PLPPR1: variants seen among roughly 807,000 people sequenced by gnomAD.
The protein encoded by PLPPR1 is phospholipid phosphatase related 1, also known as phospholipid phosphatase-related protein type 1.
In PLPPR1, 10 loss-of-function variants were observed where a neutral mutation model predicts 33.1. That is an observed-to-expected ratio of 0.30 (90% confidence interval 0.19 to 0.51). PLPPR1 has a LOEUF of 0.51. Among genes scored for constraint, PLPPR1 ranks in the 20% least tolerant of loss-of-function variants. The pLI is 0.97. For missense variants in PLPPR1, 304 were observed against 408.1 expected (o/e 0.74, Z 2.20); for synonymous variants, 151 against 151.0 (o/e 1.00, Z 0.00).
intron 2 of PLPPR1, among the ~76,000 whole-genome samples, chr9:101,210,987 T>TCGTTTCC (rs1035978296): frequency 1.3e-5 from 2 of 152,132 alleles, no homozygotes; most frequent in Non-Finnish European, 2.9e-5. Flanking sequence ...CAGGATGGTC[T>TCGTTTCC]CGATCTCCTG....
rs1828981592 is a variant in PLPPR1 at position 101,312,807 on chromosome 9, A to G, written c.646A>G (p.Thr216Ala). ...YSALYATMYI[T>A]STIKTKSSRL... ...CTCTGTCCTATTCCAGATGTATATTACAAGCACAATCAAGACGAAGAGCAG... is the reference window on the plus strand; with the variant it reads ...CTCTGTCCTATTCCAGATGTATATTGCAAGCACAATCAAGACGAAGAGCAG... The change falls in exon 6 of 8, where the codon ACA becomes GCA. Residue 216 changes from threonine (T) to alanine (A), a missense_variant. By Grantham distance (58) the Thr-to-Ala change is moderately conservative (BLOSUM62 0). Transcript: ENST00000374874. 6 of 1,613,900 alleles carry G rather than the reference A, an allele frequency of 3.7e-6. No individual in the cohort carries two copies. Among genetic ancestry groups the G allele is most frequent in the Non-Finnish European group, 5.1e-6 (6 of 1,179,998 alleles).
chr9:101,307,251 A>G (rs1173203787), intron 4 of PLPPR1, among the ~76,000 whole-genome samples: 2 of 152,204 alleles, frequency 1.3e-5, no homozygotes, highest in Non-Finnish European at 2.9e-5. Context: ...GCACTGACCC[A>G]AGGAACCTAG....
At chr9:101,109,692 A>C (rs1290715968) in intron 1 of PLPPR1, among the ~76,000 whole-genome samples, 4 of 152,230 alleles carry the variant, frequency 2.6e-5, no homozygotes, top group African/African-American at 7.2e-5. Flanking sequence ...GCAAGATCTT[A>C]TAATTTAGTA....
chr9:101,043,948 C>T (rs1830113865), intron 1 of PLPPR1, among the ~76,000 whole-genome samples: 1 of 152,042 alleles, frequency 6.6e-6, no homozygotes, highest in Non-Finnish European at 1.5e-5. Flanking sequence ...TAGACATTGG[C>T]TTAGGCAAAG....
At chr9:101,283,424 T>C (rs907591253) in intron 3 of PLPPR1, among the ~76,000 whole-genome samples, 2 of 152,214 alleles carry the variant, frequency 1.3e-5, no homozygotes, top group South Asian at 2.1e-4. Flanking sequence ...GGTCAGTCCA[T>C]TAATAAATTG....
intron 4 of PLPPR1, among the ~76,000 whole-genome samples, chr9:101,297,919 T>G (rs1214243522): frequency 2.0e-5 from 3 of 152,168 alleles, no homozygotes; most frequent in Admixed American, 6.6e-5. Context: ...AATGACTAAG[T>G]AAGGAAGTTA....
At chr9:101,251,222 T>C (rs879641346) in intron 2 of PLPPR1, among the ~76,000 whole-genome samples, 1 of 152,128 alleles carries the variant, frequency 6.6e-6, no homozygotes, top group Non-Finnish European at 1.5e-5. Flanking sequence ...GCACTGTTGT[T>C]TCTCTACTGC....
At chr9:101,277,884 C>T (rs1357743910) in intron 3 of PLPPR1, among the ~76,000 whole-genome samples, 2 of 152,110 alleles carry the variant, frequency 1.3e-5, no homozygotes, top group African/African-American at 4.8e-5. Context: ...ACTTTTTAAT[C>T]CTCTCAACAA....
intron 1 of PLPPR1, among the ~76,000 whole-genome samples, chr9:101,059,010 G>A (rs1211126093): frequency 6.6e-6 from 1 of 152,136 alleles, no homozygotes; most frequent in African/African-American, 2.4e-5. Flanking sequence ...TTACTATTCT[G>A]GTGGGGGGAG....
rs567037532 is a variant in PLPPR1 at position 101,133,038 on chromosome 9, G to A, written c.-45-52412G>A. ...ACTGAATTAGTGTTTAGCTGTGATA[G>A]AAATCCCTTGGGAATCAAGTTCCAA... On this transcript the variant is annotated intron_variant, in intron 1 of 7. Coordinates refer to ENST00000374874, the MANE Select transcript of PLPPR1 (RefSeq NM_207299.2). Among the ~76,000 whole-genome samples, 5 of 152,280 alleles carry A rather than the reference G, an allele frequency of 3.3e-5. No homozygotes were observed. The East Asian group carries it at 9.6e-4, about 29-fold the overall frequency.
chr9:101,066,921 C>T (rs912908890), intron 1 of PLPPR1, among the ~76,000 whole-genome samples: 5 of 151,996 alleles, frequency 3.3e-5, no homozygotes, highest in Non-Finnish European at 7.4e-5. Context: ...AAACACTTAC[C>T]TACCATTTAT....
At chr9:101,322,402 T>C (rs1190233416) in intron 7 of PLPPR1, 1 of 152,026 alleles carries the variant, frequency 6.6e-6, no homozygotes, top group African/African-American at 2.4e-5. Context: ...GTTGTTTTAA[T>C]TGAATGCTTC....
intron 2 of PLPPR1, among the ~76,000 whole-genome samples, chr9:101,266,811 TGAG>T (rs759165487): frequency 6.6e-6 from 1 of 152,230 alleles, no homozygotes; most frequent in African/African-American, 2.4e-5. Context: ...GTGTTTGTCT[TGAG>T]TTCTTTTCCT....
At chr9:101,191,868 A>G (rs981412638) in intron 2 of PLPPR1, among the ~76,000 whole-genome samples, 4 of 152,164 alleles carry the variant, frequency 2.6e-5, no homozygotes, top group African/African-American at 7.2e-5. Flanking sequence ...AATTGGACAG[A>G]ATGAATGAAG....
At chr9:101,118,368 T>G (rs1370278967) in intron 1 of PLPPR1, among the ~76,000 whole-genome samples, 2 of 152,170 alleles carry the variant, frequency 1.3e-5, no homozygotes, top group Non-Finnish European at 2.9e-5. Flanking sequence ...AAAATTGTCT[T>G]TCCAGATAAA....
At chr9:101,050,095 A>G (rs904521958) in intron 1 of PLPPR1, among the ~76,000 whole-genome samples, 4 of 146,368 alleles carry the variant, frequency 2.7e-5, no homozygotes, top group Non-Finnish European at 6.0e-5. Context: ...ACTGCACTCC[A>G]GCCTGCAACA....
Position 101,230,318 on chromosome 9 carries a change from C to T in PLPPR1, c.64-39562C>T, listed in dbSNP as rs10989443. The stretch of plus-strand genomic sequence containing the variant: ...CAAGGATGAATTGAGATGACTGATG[C>T]TCACAGAAGCACATTTTTGATTGTT... On this transcript the variant is annotated intron_variant, in intron 2 of 7. Transcript: ENST00000374874. Among the ~76,000 whole-genome samples, 501 of 152,184 alleles carry T rather than the reference C, an allele frequency of 3.3e-3. 12 individuals carry two copies. The East Asian group carries it at 0.079, about 24-fold the overall frequency.
intron 1 of PLPPR1, among the ~76,000 whole-genome samples, chr9:101,133,831 T>C (rs1831346052): frequency 6.6e-6 from 1 of 152,194 alleles, no homozygotes; most frequent in Admixed American, 6.6e-5. Context: ...ATGGTGGTTA[T>C]AAGCTTAGAC....
chr9:101,305,907 A>G (rs1296158376), intron 4 of PLPPR1, among the ~76,000 whole-genome samples: 4 of 152,162 alleles, frequency 2.6e-5, no homozygotes, highest in Non-Finnish European at 4.4e-5. Context: ...ATCCTATCTG[A>G]GATCAGATGG....
Sources: gnomAD v4.1 joint callset for allele counts (sites outside exome capture counted in the v4.1 genomes callset) on GRCh38, gnomAD v4.1.1 for gene constraint, MANE v1.5 for transcripts, NCBI Gene and HGNC (gene_info 2026-07-23, HGNC 2026-07-21) for gene names.